DNAH17: variants seen among roughly 807,000 people sequenced by gnomAD.
DNAH17 encodes the protein dynein axonemal heavy chain 17.
Under a neutral mutation model 485.6 loss-of-function variants are expected in DNAH17, and 376 were observed. The ratio of observed to expected loss-of-function variants is 0.77; its 90% CI spans 0.71 to 0.84. DNAH17 has a LOEUF of 0.84. DNAH17 is among the 40% of genes least tolerant of loss of function. The pLI, the probability that DNAH17 is intolerant of heterozygous loss-of-function variation, is 0.00. For synonymous variants in DNAH17, 3,031 were observed against 2,405.9 expected (o/e 1.26, Z -7.60); for missense variants, 6,370 against 5,839.3 (o/e 1.09, Z -2.96).
Position 78,494,681 on chromosome 17 carries a change from G to A in DNAH17, c.6182C>T (p.Thr2061Ile), listed in dbSNP as rs755272304. 1.1e-5 allele frequency: 17 copies of A among 1,613,878 alleles called. No homozygotes were observed. The highest frequency in any genetic ancestry group is 1.4e-5 in the Non-Finnish European group (17 of 1,179,914). The change falls in exon 40 of 81, where the codon ACA becomes ATA. Residue 2061 changes from threonine to isoleucine, a missense_variant. Physicochemically the swap from Thr to Ile is moderately conservative, Grantham distance 89 (BLOSUM62 -1). Transcript: ENST00000389840. ...LRDFNIPKIVTDDLPVFMGLI... is the reference protein window; with the variant it reads ...LRDFNIPKIVIDDLPVFMGLI... ...TCCCATGAATACGGGCAGGTCGTCT[G>A]TCACAATCTTGGGGATGTTGAAGTC... is the stretch of plus-strand genomic sequence containing the variant.
In DNAH17 at chr17:78,484,951, G is replaced by C; in HGVS notation, c.7566C>G (p.Asp2522Glu). 6.2e-7 allele frequency: 1 copy of C among 1,612,484 alleles called. No individual in the cohort carries two copies. ...TGTCCACCTCGGGCATGTTCATGTC[G>C]TCGATGAAGTAGACGAGCTTCTTAG... The part of the protein sequence containing the change: ...PGTKKLVYFI[D>E]DMNMPEVDKY... Residue 2522 changes from aspartate to glutamate, a missense_variant, in exon 48 of 81, where the codon GAC becomes GAG. Coordinates refer to ENST00000389840, the MANE Select transcript of DNAH17 (RefSeq NM_173628.4).
At chr17:78,558,986 T>C (rs868573017) in intron 13 of DNAH17, among the ~76,000 whole-genome samples, 4 of 152,226 alleles carry the variant, frequency 2.6e-5, no homozygotes, top group African/African-American at 9.6e-5. Context: ...ACACTAGACA[T>C]TCCTGGTCAC....
rs1454474514 is a variant in DNAH17 at position 78,502,587 on chromosome 17, A to G, written c.5190+4T>C. The G allele has an allele frequency of 6.2e-7, 1 of 1,612,128 alleles. No individual in the cohort carries two copies. Among genetic ancestry groups the G allele is most frequent in the Non-Finnish European group, 8.5e-7 (1 of 1,179,158 alleles). ...ACGTAACTAACTACACACTAGTAACACACCTGCTTTTTGTTATAATCTCTG... is the reference window on the plus strand; with the variant it reads ...ACGTAACTAACTACACACTAGTAACGCACCTGCTTTTTGTTATAATCTCTG... On this transcript the variant is annotated splice_donor_region_variant and intron_variant, in intron 33 of 80. Transcript: ENST00000389840.
rs371579556 is a variant in DNAH17, at chr17:78,486,375, G to A, written c.6950C>T (p.Pro2317Leu). Residue 2317 changes from proline (P) to leucine (L), a missense_variant, in exon 45 of 81, where the codon CCG (proline) becomes CTG (leucine). Physicochemically the swap from Pro to Leu is moderately conservative, Grantham distance 98. Coordinates refer to ENST00000389840, the MANE Select transcript of DNAH17 (RefSeq NM_173628.4). ...AATCGTTTGGATCACCGTGATCTCC[G>A]GCACTGGCGTGATCTTCTTGAACCC... ...RFGFKKITPV[P>L]EITVIQTILY... 12 of 1,613,842 alleles carry A rather than the reference G, an allele frequency of 7.4e-6. No homozygotes were observed. The highest frequency in any genetic ancestry group is 4.5e-5 in the East Asian group (2 of 44,870).
chr17:78,530,861 C>G (rs1184754641), intron 20 of DNAH17, among the ~76,000 whole-genome samples: 4 of 152,172 alleles, frequency 2.6e-5, no homozygotes, highest in African/African-American at 9.6e-5. Context: ...CTACCTGAGG[C>G]CTCTGTCACT....
rs61745736 is a variant in DNAH17 at position 78,479,537 on chromosome 17, C to T, written c.7848G>A (p.Ser2616=). ...TILTQHLAFR[S]VSMAIQRISS... ...TTATCCTCTGGATAGCCATGGAGACCGAGCGGAAGGCCAGGTGCTGCGTCA... is the reference window on the plus strand; with the variant it reads ...TTATCCTCTGGATAGCCATGGAGACTGAGCGGAAGGCCAGGTGCTGCGTCA... Residue 2616 remains serine (S), a synonymous_variant, in exon 50 of 81, where the codon TCG becomes TCA. Coordinates refer to ENST00000389840, the MANE Select transcript of DNAH17 (RefSeq NM_173628.4). 133 of 1,613,430 alleles carry T rather than the reference C, an allele frequency of 8.2e-5. No individual in the cohort carries two copies. The highest frequency in any genetic ancestry group is 1.3e-4 in the Admixed American group (8 of 59,974).
intron 30 of DNAH17, among the ~76,000 whole-genome samples, chr17:78,505,736 T>C (rs1359966216): frequency 2.0e-5 from 3 of 152,180 alleles, no homozygotes; most frequent in Non-Finnish European, 1.5e-5. Flanking sequence ...CCCAGCACTT[T>C]GGGAGGCCGA....
In DNAH17 at chr17:78,561,762, C is replaced by T. The variant is rs750290560; in HGVS notation, c.1788G>A (p.Gln596=). ...GTTTCATGGACACCTCTAGCCTCTC[C>T]TGCAGCTCCAGGCTCCATTTGAGCT... The part of the protein sequence containing the change: ...AGQLKWSLEL[Q]ERLEVSMKHL... The change falls in exon 12 of 81, where the codon CAG becomes CAA. Residue 596 remains glutamine (Q), a synonymous_variant. Transcript: ENST00000389840. 25 of 1,612,936 alleles carry T rather than the reference C, an allele frequency of 1.5e-5. No individual in the cohort carries two copies. The East Asian group carries it at 5.1e-4, about 33-fold the overall frequency.
intron 17 of DNAH17, among the ~76,000 whole-genome samples, chr17:78,543,186 T>C (rs1019569670): frequency 3.3e-5 from 5 of 152,202 alleles, no homozygotes; most frequent in African/African-American, 1.2e-4. Flanking sequence ...GCGATCTTGG[T>C]TCACTGCCAC....
chr17:78,564,306 G>T (rs2092222795), intron 11 of DNAH17, among the ~76,000 whole-genome samples: 1 of 152,166 alleles, frequency 6.6e-6, no homozygotes, highest in South Asian at 2.1e-4. Context: ...CAATCTCCAT[G>T]TTGGGGACAG....
chr17:78,433,913 AAGGGAGGGAAGGAAGG>A (rs1404113755), intron 75 of DNAH17, 100 bp downstream of exon 75: 3 of 507,692 alleles, frequency 5.9e-6, no homozygotes, highest in South Asian at 3.3e-5. Flanking sequence ...ACCAAAAGGA[AAGGGAGGGAAGGAAGG>A]AGGGAGGGAA....
chr17:78,492,148 C>T (rs2089887908), intron 42 of DNAH17, among the ~76,000 whole-genome samples: 1 of 152,106 alleles, frequency 6.6e-6, no homozygotes, highest in Admixed American at 6.5e-5. Flanking sequence ...CCACCCTGCT[C>T]CCGCTGACTC....
chr17:78,530,598 G>A (rs2091206944), intron 20 of DNAH17, 86 bp from the exon 21 acceptor site: 6 of 1,424,064 alleles, frequency 4.2e-6, no homozygotes, highest in Non-Finnish European at 4.7e-6. Flanking sequence ...GGGCCTTCCT[G>A]CACTGCACCT....
intron 25 of DNAH17, chr17:78,522,447 G>A (rs2090957280): frequency 3.3e-6 from 1 of 306,648 alleles, no homozygotes; most frequent in Non-Finnish European, 6.6e-6. Flanking sequence ...TTCTGGAATG[G>A]AAGGGTGGAG....
At chr17:78,480,555 G>C (rs1158956905) in intron 49 of DNAH17, 129 bp downstream of exon 49, 15 of 708,840 alleles carry the variant, frequency 2.1e-5, no homozygotes, top group Non-Finnish European at 3.3e-5. Context: ...ATTCTGCAAA[G>C]TTAAGGAGTT....
At chr17:78,547,467 G>C (rs2091793699) in intron 16 of DNAH17, among the ~76,000 whole-genome samples, 1 of 152,050 alleles carries the variant, frequency 6.6e-6, no homozygotes, top group South Asian at 2.1e-4. Context: ...CTGTATCCTT[G>C]GGATTGTAAA....
intron 48 of DNAH17, among the ~76,000 whole-genome samples, chr17:78,482,095 C>G (rs1047254402): frequency 7.5e-6 from 1 of 133,136 alleles, no homozygotes; most frequent in African/African-American, 2.8e-5. Flanking sequence ...TTTTTTCCCC[C>G]GAGACAGGGT....
intron 22 of DNAH17, among the ~76,000 whole-genome samples, chr17:78,527,496 C>A (rs944121195): frequency 2.0e-5 from 3 of 152,108 alleles, no homozygotes; most frequent in Non-Finnish European, 2.9e-5. Context: ...TGTTTTTAAA[C>A]CTGAATCCAT....
rs773499770 is a variant in DNAH17 at position 78,558,180 on chromosome 17, ACT to A, written c.2104_2105del (p.Leu703ValfsTer22). 3.7e-6 allele frequency: 6 copies of A among 1,613,748 alleles called. No individual in the cohort carries two copies. The highest frequency in any genetic ancestry group is 5.1e-6 in the Non-Finnish European group (6 of 1,179,796). The stretch of plus-strand genomic sequence containing the variant: ...GGAAAGTTTCGTTCTCTGAGAACAG[ACT>A]CTCCGCACTGTCTGGAATCTCTTTC... ...QQKEIPDSAE[S>X]LFSENETFRK... On this transcript the variant is annotated frameshift_variant, in exon 14 of 81. Coordinates refer to ENST00000389840, the MANE Select transcript of DNAH17 (RefSeq NM_173628.4). LOFTEE classifies it high-confidence loss of function.
Sources: allele counts gnomAD v4.1 joint callset (sites outside exome capture counted in the v4.1 genomes callset), GRCh38; gene constraint gnomAD v4.1.1; transcripts MANE v1.5; gene names NCBI Gene and HGNC (gene_info 2026-07-23, HGNC 2026-07-21).